Variants in DPYD observed in about 807,000 individuals in gnomAD.
The protein encoded by DPYD is dihydropyrimidine dehydrogenase [NADP(+)].
Under a neutral mutation model 116.2 loss-of-function variants are expected in DPYD, and 109 were observed. The observed-to-expected ratio is 0.94, with a 90% CI of 0.80 to 1.10. The LOEUF is 1.10. DPYD is among the 50% of genes least tolerant of loss of function. The pLI is 0.00. For missense variants in DPYD, 1,302 were observed against 1,254.5 expected (o/e 1.04, Z -0.57); for synonymous variants, 440 against 432.0 (o/e 1.02, Z -0.23).
intron 13 of DPYD, among the ~76,000 whole-genome samples, chr1:97,477,666 T>C (rs1193488542): frequency 6.9e-6 from 1 of 145,274 alleles, no homozygotes; most frequent in African/African-American, 2.6e-5. Flanking sequence ...CAGGCCGGAC[T>C]GCGGACTGCA....
At chr1:97,112,151 T>C (rs992003154) in intron 20 of DPYD, among the ~76,000 whole-genome samples, 1 of 152,134 alleles carries the variant, frequency 6.6e-6, no homozygotes, top group African/African-American at 2.4e-5. Context: ...ACTATATTAA[T>C]GTATTTATTT....
At chr1:97,478,476 C>T (rs371366307) in intron 13 of DPYD, among the ~76,000 whole-genome samples, 2 of 152,000 alleles carry the variant, frequency 1.3e-5, no homozygotes, top group African/African-American at 4.8e-5. Flanking sequence ...TTAGTAGAGA[C>T]GGGTTTTCAC....
intron 20 of DPYD, among the ~76,000 whole-genome samples, chr1:97,140,161 G>A (rs1175800899): frequency 6.6e-6 from 1 of 152,058 alleles, no homozygotes; most frequent in Non-Finnish European, 1.5e-5. Context: ...GTGGGTAGCT[G>A]TGGAGGGTTA....
chr1:97,650,300 C>T (rs1658509051), intron 8 of DPYD, among the ~76,000 whole-genome samples: 1 of 152,118 alleles, frequency 6.6e-6, no homozygotes, highest in African/African-American at 2.4e-5. Context: ...AACAGGTTCT[C>T]CATTACTCCA....
At chr1:97,531,078 T>C (rs1649589700) in intron 12 of DPYD, among the ~76,000 whole-genome samples, 1 of 152,228 alleles carries the variant, frequency 6.6e-6, no homozygotes, top group South Asian at 2.1e-4. Flanking sequence ...TATTACTCTG[T>C]TGATTGTTTC....
intron 18 of DPYD, among the ~76,000 whole-genome samples, chr1:97,273,135 A>G (rs1664710487): frequency 6.6e-6 from 1 of 152,162 alleles, no homozygotes; most frequent in Non-Finnish European, 1.5e-5. Context: ...CAACTTGTAG[A>G]TGACTGTATT....
At chr1:97,781,269 A>G (rs1666727422) in intron 3 of DPYD, among the ~76,000 whole-genome samples, 1 of 152,250 alleles carries the variant, frequency 6.6e-6, no homozygotes, top group African/African-American at 2.4e-5. Context: ...AATTTGCTTT[A>G]TACTTTTGGT....
At chr1:97,285,706 C>T (rs1216054549) in intron 18 of DPYD, among the ~76,000 whole-genome samples, 27 of 125,940 alleles carry the variant, frequency 2.1e-4, no homozygotes, top group African/African-American at 7.6e-4. Context: ...TTTTTTGAGA[C>T]AGGGTCTCTT....
chr1:97,546,259 A>T, intron 12 of DPYD: 1 of 1,489,968 alleles, frequency 6.7e-7, no homozygotes, highest in Non-Finnish European at 9.2e-7. Flanking sequence ...GCTAAATCAA[A>T]AAAAAAGAAA....
chr1:97,237,906 C>A (rs1464350529), intron 18 of DPYD, among the ~76,000 whole-genome samples: 2 of 152,068 alleles, frequency 1.3e-5, no homozygotes, highest in African/African-American at 2.4e-5. Context: ...TTTATTTCTA[C>A]CTCCACTGTT....
intron 13 of DPYD, chr1:97,514,103 T>C (rs1648023108): frequency 1.4e-6 from 1 of 731,782 alleles, no homozygotes; most frequent in Admixed American, 6.3e-5. Flanking sequence ...AACTCCCCTT[T>C]TGAACCAGCA....
At chr1:97,782,063 G>A (rs997799554) in intron 3 of DPYD, among the ~76,000 whole-genome samples, 4 of 152,120 alleles carry the variant, frequency 2.6e-5, no homozygotes, top group Non-Finnish European at 4.4e-5. Flanking sequence ...AACACTGGAA[G>A]GTATTAGTAC....
chr1:97,365,800 G>T (rs1036254676), intron 16 of DPYD, among the ~76,000 whole-genome samples: 1 of 152,002 alleles, frequency 6.6e-6, no homozygotes, highest in African/African-American at 2.4e-5. Flanking sequence ...GCTAATTTTT[G>T]TGTGTGTGTT....
intron 14 of DPYD, among the ~76,000 whole-genome samples, chr1:97,425,384 A>G (rs1273894551): frequency 6.6e-6 from 1 of 152,090 alleles, no homozygotes; most frequent in Non-Finnish European, 1.5e-5. Flanking sequence ...AAAGGCAAAA[A>G]CCATCAAAGT....
chr1:97,818,514 G>A (rs76693219), intron 3 of DPYD, among the ~76,000 whole-genome samples: 2,668 of 152,104 alleles, frequency 0.018, 73 homozygotes, highest in African/African-American at 0.06. Context: ...ATAAATGACA[G>A]TTAATAACAA....
At chr1:97,165,796 G>T (rs1049551733) in intron 20 of DPYD, among the ~76,000 whole-genome samples, 1 of 152,122 alleles carries the variant, frequency 6.6e-6, no homozygotes, top group Non-Finnish European at 1.5e-5. Context: ...AGACACACAT[G>T]TGGCCAACAA....
chr1:97,488,586 T>C (rs1205354074), intron 13 of DPYD, among the ~76,000 whole-genome samples: 1 of 152,104 alleles, frequency 6.6e-6, no homozygotes, highest in Non-Finnish European at 1.5e-5. Flanking sequence ...TGCCTATAAC[T>C]AGGTAACACT....
chr1:97,155,030 G>A (rs993960440), intron 20 of DPYD, among the ~76,000 whole-genome samples: 2 of 152,184 alleles, frequency 1.3e-5, no homozygotes, highest in African/African-American at 4.8e-5. Context: ...GCAAGGTAGA[G>A]CTATAAAGGC....
chr1:97,503,713 A>T (rs1679724768), intron 13 of DPYD, among the ~76,000 whole-genome samples: 1 of 151,876 alleles, frequency 6.6e-6, no homozygotes, highest in Admixed American at 6.6e-5. Context: ...GTTTAATCAC[A>T]TCTTGGCAAC....
Sources: allele counts gnomAD v4.1 joint callset (sites outside exome capture counted in the v4.1 genomes callset), GRCh38; gene constraint gnomAD v4.1.1; transcripts MANE v1.5; gene names NCBI Gene and HGNC (gene_info 2026-07-23, HGNC 2026-07-21).